LYPLA2: variants seen among roughly 807,000 people sequenced by gnomAD.
The protein encoded by LYPLA2 is acyl-protein thioesterase 2.
LYPLA2 carries 7 observed loss-of-function variants against 30.3 expected under a neutral mutation model. That is an observed-to-expected ratio of 0.23 (90% CI 0.13 to 0.43). The LOEUF (loss-of-function observed/expected upper bound fraction) is 0.43. Ranked by LOEUF, LYPLA2 falls within the 20% of genes least tolerant of loss-of-function variation. The pLI is 1.00. For synonymous variants in LYPLA2, 112 were observed against 118.2 expected (o/e 0.95, Z 0.34); for missense variants, 206 against 307.9 (o/e 0.67, Z 2.48).
At chr1:23,792,795 T>TG (rs1161397478) in intron 2 of LYPLA2, 35 bp downstream of exon 2, 1 of 1,568,622 alleles carries the variant, frequency 6.4e-7, no homozygotes, top group Non-Finnish European at 8.8e-7. Context: ...CCAGACACTG[T>TG]GGGAGCAGCT....
At position 23,793,967 on chromosome 1, in the gene LYPLA2, C is replaced by T. The variant is rs1333387044; in HGVS notation, c.295+37C>T. 2.5e-6 allele frequency: 4 copies of T among 1,601,382 alleles called. No homozygotes were observed. Among genetic ancestry groups the T allele is most frequent in the Non-Finnish European group, 3.4e-6 (4 of 1,168,544 alleles). ...GCCCCTCCTCCACATCCTCCTTCCC[C>T]TGCCCCCCAGGAAAGCGCTGGGCGG... On this transcript the variant is annotated intron_variant, in intron 6 of 9. Transcript: ENST00000374514. This position sits in a 1 kb window ranked among gnomAD's most constrained non-coding sequence, Gnocchi z 6.0.
Position 23,792,744 on chromosome 1 carries a change from A to G in LYPLA2, c.62A>G (p.Glu21Gly). Reference protein sequence around the residue: ...LTDAATVSGAERETAAVIFLH... With the variant: ...LTDAATVSGAGRETAAVIFLH... ...GATGCTGCCACCGTGTCTGGAGCTG[A>G]GCGGGAAACGGCCGCGGTAAGGGTC... Residue 21 changes from glutamate (E) to glycine (G), a missense_variant, in exon 2 of 10, where the codon GAG becomes GGG. Glu to Gly is a moderately conservative substitution (Grantham distance 98). Coordinates refer to ENST00000374514, the MANE Select transcript of LYPLA2 (RefSeq NM_007260.3). 6.2e-7 allele frequency: 1 copy of G among 1,612,548 alleles called. No homozygotes were observed. Among genetic ancestry groups the G allele is most frequent in the Middle Eastern group, 2.0e-4 (1 of 5,016 alleles).
intron 1 of LYPLA2, chr1:23,791,865 A>C (rs1315641578): frequency 6.6e-6 from 1 of 152,548 alleles, no homozygotes; most frequent in Admixed American, 6.5e-5. Flanking sequence ...AGGGGTGGGC[A>C]GGCACTTGAG....
rs1638847840 is a variant in LYPLA2, at chr1:23,793,650, T to C, written c.177-55T>C. ...CGCGGCCCCACTCCGGGCTCTGAGC[T>C]CTGGCCTCCTCATTCCTCCTGAGCA... On this transcript the variant is annotated intron_variant, in intron 4 of 9. Coordinates refer to ENST00000374514, the MANE Select transcript of LYPLA2 (RefSeq NM_007260.3). This position sits in a 1 kb window ranked among gnomAD's most constrained non-coding sequence, Gnocchi z 6.0. 44 of 1,582,486 alleles carry C rather than the reference T, an allele frequency of 2.8e-5. No homozygotes were observed. Among genetic ancestry groups the C allele is most frequent in the Middle Eastern group, 3.3e-4 (2 of 5,978 alleles).
At position 23,793,802 on chromosome 1, in the gene LYPLA2, G is replaced by A. The variant is rs1557473987; in HGVS notation, c.224+50G>A. 6.2e-7 allele frequency: 1 copy of A among 1,612,160 alleles called. No individual in the cohort carries two copies. Among genetic ancestry groups the A allele is most frequent in the Non-Finnish European group, 8.5e-7 (1 of 1,178,194 alleles). On this transcript the variant is annotated intron_variant, in intron 5 of 9. Coordinates refer to ENST00000374514, the MANE Select transcript of LYPLA2 (RefSeq NM_007260.3). This position sits in a 1 kb window ranked among gnomAD's most constrained non-coding sequence, Gnocchi z 6.0. The stretch of plus-strand genomic sequence containing the variant: ...AGGGGGACGAGGACACTTGGGCTGA[G>A]GGAGCCACAGGGGGCTGGCTGGGGT...
rs761873997 is a variant in LYPLA2 at position 23,793,155 on chromosome 1, A to T, written c.115A>T (p.Ser39Cys). 6 of 1,614,050 alleles carry T rather than the reference A, an allele frequency of 3.7e-6. No individual in the cohort carries two copies. The South Asian group carries it at 6.6e-5, about 18-fold the overall frequency. The change falls in exon 4 of 10, where the codon AGC becomes TGC. Residue 39 changes from serine to cysteine, a missense_variant. Coordinates refer to ENST00000374514, the MANE Select transcript of LYPLA2 (RefSeq NM_007260.3). The surrounding 1 kb of genome is among the most constrained non-coding windows in gnomAD (Gnocchi z 6.0). ...TTTCTCCCGTCCCTCCTACAGGCAC[A>T]GCTGGGCTGACGCCCTCTCCACCAT... ...FLHGLGDTGH[S>C]WADALSTIRL...
At position 23,793,442 on chromosome 1, in the gene LYPLA2, C is replaced by T. The variant is rs1258190633; in HGVS notation, c.176+226C>T. ...GACCTGAGCTCTCCTAGAACCCACA[C>T]CTCCCTTTGCCCCTTCCCCAAGTAC... On this transcript the variant is annotated intron_variant, in intron 4 of 9. Transcript: ENST00000374514. This position sits in a 1 kb window ranked among gnomAD's most constrained non-coding sequence, Gnocchi z 6.0. Among the ~76,000 whole-genome samples, 1 of 152,212 alleles carries T rather than the reference C, an allele frequency of 6.6e-6. No individual in the cohort carries two copies. Among genetic ancestry groups the T allele is most frequent in the Non-Finnish European group, 1.5e-5 (1 of 68,018 alleles).
chr1:23,793,602 C>G lies in LYPLA2; in HGVS notation c.177-103C>G. Reference sequence around the variant, plus strand: ...ACACCTTAAACACAGGCCCTGCCTGCTGGGAGGGGCCACCAGGGGCGGCGC... The same window carrying G: ...ACACCTTAAACACAGGCCCTGCCTGGTGGGAGGGGCCACCAGGGGCGGCGC... On this transcript the variant is annotated intron_variant, in intron 4 of 9. Coordinates refer to ENST00000374514, the MANE Select transcript of LYPLA2 (RefSeq NM_007260.3). This position sits in a 1 kb window ranked among gnomAD's most constrained non-coding sequence, Gnocchi z 6.0. 1 of 1,201,162 alleles carries G rather than the reference C, an allele frequency of 8.3e-7. No individual in the cohort carries two copies. The highest frequency in any genetic ancestry group is 1.2e-6 in the Non-Finnish European group (1 of 806,562). 74.4% of individuals were successfully genotyped at this position (1,201,162 alleles called of 1,614,324 possible). A position where few individuals can be genotyped will look rare whatever the true frequency, so the allele number is the denominator to read the frequency against.
intron 2 of LYPLA2, 27 bp from the exon 3 acceptor site, chr1:23,792,981 G>A (rs904531463): frequency 6.2e-7 from 1 of 1,606,836 alleles, no homozygotes; most frequent in African/African-American, 1.3e-5. Context: ...AAGCCTTCCT[G>A]TCTCCCCATT....
Position 23,794,722 on chromosome 1 carries a change from C to G in LYPLA2, c.686C>G (p.Pro229Arg). 1 of 1,614,198 alleles carries G rather than the reference C, an allele frequency of 6.2e-7. No homozygotes were observed. ...AAGGAATTTCTTGAGAAGCTGCTGC[C>G]TCCTGTCTAACTAGTCGCTGGCCCC... Reference protein sequence around the residue: ...AVKEFLEKLLPPV With the variant: ...AVKEFLEKLLRPV Residue 229 changes from proline (P) to arginine (R), a missense_variant, in exon 10 of 10, where the codon CCT becomes CGT. Physicochemically the swap from Pro to Arg is moderately radical, Grantham distance 103. Coordinates refer to ENST00000374514, the MANE Select transcript of LYPLA2 (RefSeq NM_007260.3). The surrounding 1 kb of genome is among the most constrained non-coding windows in gnomAD (Gnocchi z 5.9).
At position 23,794,411 on chromosome 1, in the gene LYPLA2, C is replaced by G. The variant is rs369501878; in HGVS notation, c.472-16C>G. The G allele has an allele frequency of 1.2e-6, 2 of 1,613,742 alleles. No homozygotes were observed. The highest frequency in any genetic ancestry group is 1.3e-5 in the African/African-American group (1 of 75,018). On this transcript the variant is annotated splice_polypyrimidine_tract_variant and intron_variant, in intron 8 of 9. Coordinates refer to ENST00000374514, the MANE Select transcript of LYPLA2 (RefSeq NM_007260.3). This position sits in a 1 kb window ranked among gnomAD's most constrained non-coding sequence, Gnocchi z 5.9. ...CTGCAGCACTAGCTTTGCCCTGAGT[C>G]CTGTCCGGCCTCCAGGCAGCTAATG... is the stretch of plus-strand genomic sequence containing the variant.
Position 23,794,153 on chromosome 1 carries a change from GGGGGGGTA to G in LYPLA2, c.369+23_369+30del. The G allele has an allele frequency of 6.9e-7, 1 of 1,446,306 alleles. No individual in the cohort carries two copies. The highest frequency in any genetic ancestry group is 9.6e-7 in the Non-Finnish European group (1 of 1,042,792). 89.6% of individuals were successfully genotyped at this position (1,446,306 alleles called of 1,614,324 possible). ...TTTTCACAGGTGAGGGGAGAGGGGT[GGGGGGGTA>G]GGGGGTAGGGGTGGCCGGTGAGTGA... On this transcript the variant is annotated intron_variant, in intron 7 of 9. Coordinates refer to ENST00000374514, the MANE Select transcript of LYPLA2 (RefSeq NM_007260.3). This position sits in a 1 kb window ranked among gnomAD's most constrained non-coding sequence, Gnocchi z 5.9.
rs772617928 is a variant in LYPLA2, at chr1:23,793,053, G to A, written c.110+14G>A. 4.3e-6 allele frequency: 7 copies of A among 1,613,492 alleles called. No individual in the cohort carries two copies. Among genetic ancestry groups the A allele is most frequent in the African/African-American group, 1.3e-5 (1 of 74,886 alleles). ...TGGAGACACAGGGTAAGTGACTGAG[G>A]AGGGGTGCTCCTTAAGGAGGGGTCC... is the stretch of plus-strand genomic sequence containing the variant. On this transcript the variant is annotated intron_variant, in intron 3 of 9. Transcript: ENST00000374514. The surrounding 1 kb of genome is among the most constrained non-coding windows in gnomAD (Gnocchi z 6.0).
In LYPLA2 at chr1:23,793,852, C is replaced by T. The variant is rs1451041978; in HGVS notation, c.225-8C>T. On this transcript the variant is annotated splice_polypyrimidine_tract_variant and splice_region_variant and intron_variant, in intron 5 of 9. Coordinates refer to ENST00000374514, the MANE Select transcript of LYPLA2 (RefSeq NM_007260.3). The surrounding 1 kb of genome is among the most constrained non-coding windows in gnomAD (Gnocchi z 6.0). ...TTTTCTATAGCTGCCAGTGCCTCTA[C>T]TCCCAAGGTTTGACCTGATGGGGCT... The T allele has an allele frequency of 6.2e-7, 1 of 1,613,836 alleles. No homozygotes were observed. Among genetic ancestry groups the T allele is most frequent in the South Asian group, 1.1e-5 (1 of 91,084 alleles).
intron 1 of LYPLA2, 49 bp downstream of exon 1, chr1:23,791,299 C>T (rs1297920191): frequency 2.1e-5 from 3 of 143,170 alleles, no homozygotes; most frequent in Non-Finnish European, 3.0e-5. Flanking sequence ...GGAGGTCGGC[C>T]TCGGGAGGGT....
In LYPLA2 at chr1:23,792,560, C is replaced by G. The variant is rs537438533; in HGVS notation, c.-26-97C>G. On this transcript the variant is annotated intron_variant, in intron 1 of 9. Coordinates refer to ENST00000374514, the MANE Select transcript of LYPLA2 (RefSeq NM_007260.3). Reference sequence around the variant, plus strand: ...CTATTCTTTGTGCCCAGGACAGAACCTGGGTGCTGTGTGGGGCTGATGGCC... The same window carrying G: ...CTATTCTTTGTGCCCAGGACAGAACGTGGGTGCTGTGTGGGGCTGATGGCC... 2.9e-5 allele frequency: 21 copies of G among 727,080 alleles called. No homozygotes were observed. In the East Asian group the frequency reaches 3.8e-4, roughly 13 times the overall value. The allele number at this position is 727,080 out of a possible 1,614,324, so 45.0% of individuals were successfully genotyped here. A position where few individuals can be genotyped will look rare whatever the true frequency, so the allele number is the denominator to read the frequency against.
Position 23,795,105 on chromosome 1 carries a change from G to C in LYPLA2, c.*373G>C, listed in dbSNP as rs1638904199. 7 of 433,280 alleles carry C rather than the reference G, an allele frequency of 1.6e-5. No homozygotes were observed. Among genetic ancestry groups the C allele is most frequent in the South Asian group, 1.4e-4 (7 of 49,506 alleles). 26.8% of individuals were successfully genotyped at this position (433,280 alleles called of 1,614,324 possible). A position where few individuals can be genotyped will look rare whatever the true frequency, so the allele number is the denominator to read the frequency against. ...CTGTGACCTCAGGGTTTGGCCCATG[G>C]GGCCCCCCCAGGCCCCTGCCCCAAC... On this transcript the variant is annotated 3_prime_UTR_variant, in exon 10 of 10. Coordinates refer to ENST00000374514, the MANE Select transcript of LYPLA2 (RefSeq NM_007260.3).
chr1:23,792,631 C>A, intron 1 of LYPLA2, 26 bp from the exon 2 acceptor site: 1 of 1,534,170 alleles, frequency 6.5e-7, no homozygotes, highest in Non-Finnish European at 9.0e-7. Context: ...TGGTTTTGCT[C>A]TTGACCGCCG....
At position 23,794,816 on chromosome 1, in the gene LYPLA2, G is replaced by A. The variant is rs1469201801; in HGVS notation, c.*84G>A. ...GCACCATCTTGGATCTGAGCCGGTCGAGCCCCTGTCCCCACCCTTCCTGAC... is the reference window on the plus strand; with the variant it reads ...GCACCATCTTGGATCTGAGCCGGTCAAGCCCCTGTCCCCACCCTTCCTGAC... On this transcript the variant is annotated 3_prime_UTR_variant, in exon 10 of 10. Transcript: ENST00000374514. This position sits in a 1 kb window ranked among gnomAD's most constrained non-coding sequence, Gnocchi z 5.9. The A allele has an allele frequency of 1.1e-5, 16 of 1,496,104 alleles. No individual in the cohort carries two copies. Among genetic ancestry groups the A allele is most frequent in the African/African-American group, 1.4e-5 (1 of 72,088 alleles). 92.7% of individuals were successfully genotyped at this position (1,496,104 alleles called of 1,614,324 possible).
Sources: allele counts gnomAD v4.1 joint callset (sites outside exome capture counted in the v4.1 genomes callset), GRCh38; gene constraint gnomAD v4.1.1; non-coding constraint Gnocchi (gnomAD v3.1); transcripts MANE v1.5; gene names NCBI Gene and HGNC (gene_info 2026-07-23, HGNC 2026-07-21).